RPS6KA2: variants seen among roughly 807,000 people sequenced by gnomAD.
The protein encoded by RPS6KA2 is ribosomal protein S6 kinase A2.
In RPS6KA2, 42 loss-of-function variants were observed where a neutral mutation model predicts 91.8. The observed-to-expected ratio is 0.46, with a 90% CI of 0.36 to 0.59. RPS6KA2 has a LOEUF of 0.59. RPS6KA2 is among the 20% of genes least tolerant of loss of function. The probability of loss-of-function intolerance (pLI) is 0.00; values close to 1 mark genes in which losing one functional copy is unlikely to be tolerated. For missense variants in RPS6KA2, 798 were observed against 978.5 expected (o/e 0.82, Z 2.46); for synonymous variants, 414 against 393.6 (o/e 1.05, Z -0.61).
chr6:166,575,499 T>C (rs1375261937), intron 1 of RPS6KA2, among the ~76,000 whole-genome samples: 1 of 152,270 alleles, frequency 6.6e-6, no homozygotes, highest in African/African-American at 2.4e-5. Flanking sequence ...AGCCAGCTTC[T>C]ATTTTAAATG....
intron 8 of RPS6KA2, among the ~76,000 whole-genome samples, chr6:166,491,126 G>A (rs1205207205): frequency 1.3e-5 from 2 of 152,242 alleles, no homozygotes; most frequent in African/African-American, 4.8e-5. Flanking sequence ...GAGCTAGGAG[G>A]AGGAGGAGGA....
chr6:166,569,706 T>C (rs1431207823), intron 1 of RPS6KA2, among the ~76,000 whole-genome samples: 1 of 152,220 alleles, frequency 6.6e-6, no homozygotes, highest in Non-Finnish European at 1.5e-5. Context: ...TGTGTCCTTG[T>C]GATCCCTCTG....
chr6:166,585,290 G>T (rs1434839211), intron 1 of RPS6KA2, among the ~76,000 whole-genome samples: 1 of 152,160 alleles, frequency 6.6e-6, no homozygotes, highest in African/African-American at 2.4e-5. Flanking sequence ...AGCAACTTTA[G>T]CTTCTTCATT....
intron 1 of RPS6KA2, among the ~76,000 whole-genome samples, chr6:166,566,951 A>G (rs142264344): frequency 3.3e-5 from 5 of 152,252 alleles, no homozygotes; most frequent in Non-Finnish European, 7.3e-5. Flanking sequence ...AGTGACTTCC[A>G]TAAACCCTAC....
At chr6:166,638,120 G>T (rs1787308373) in intron 2 of RPS6KA2, among the ~76,000 whole-genome samples, 2 of 152,284 alleles carry the variant, frequency 1.3e-5, no homozygotes, top group South Asian at 4.1e-4. Flanking sequence ...AGTTGTTGTT[G>T]CCCTAGGTGC....
intron 3 of RPS6KA2, among the ~76,000 whole-genome samples, chr6:166,511,600 C>A (rs1782480781): frequency 6.6e-6 from 1 of 152,164 alleles, no homozygotes; most frequent in African/African-American, 2.4e-5. Flanking sequence ...AGGGCAGTAT[C>A]CGGGACCTCA....
chr6:166,854,369 C>T lies in RPS6KA2; in HGVS notation c.123+3831G>A, dbSNP rs530507953. Among the ~76,000 whole-genome samples the T allele has an allele frequency of 1.4e-4, 22 of 152,310 alleles. No homozygotes were observed. In the East Asian group the frequency reaches 4.2e-3, roughly 29 times the overall value. ...TGTGAGCTATCCCAAATGCCTTCTA[C>T]ACTTCAAAAACTATGTGAGAAGTCT... is the stretch of plus-strand genomic sequence containing the variant. On this transcript the variant is annotated intron_variant, in intron 2 of 21. Transcript: ENST00000503859.
intron 10 of RPS6KA2, among the ~76,000 whole-genome samples, chr6:166,479,902 T>C (rs1203498992): frequency 1.3e-5 from 2 of 152,176 alleles, no homozygotes; most frequent in East Asian, 1.9e-4. Flanking sequence ...ACACTTCTTT[T>C]TTTAACTTAC....
chr6:166,607,140 CAAAAAAAAAAA>C (rs35281961), intron 1 of RPS6KA2, among the ~76,000 whole-genome samples: 1 of 97,862 alleles, frequency 1.0e-5, no homozygotes, highest in African/African-American at 3.9e-5. Context: ...AAAACTCCGT[CAAAAAAAAAAA>C]AAAAAAAAGC....
At chr6:166,801,963 A>T (rs116213785) in intron 2 of RPS6KA2, among the ~76,000 whole-genome samples, 3,394 of 152,192 alleles carry the variant, frequency 0.022, 140 homozygotes, top group African/African-American at 0.078. Flanking sequence ...AAAAATTTTT[A>T]AATCCCTCCC....
intron 2 of RPS6KA2, among the ~76,000 whole-genome samples, chr6:166,645,110 GT>G (rs1372965201): frequency 2.6e-5 from 4 of 152,180 alleles, no homozygotes; most frequent in Non-Finnish European, 5.9e-5. Context: ...TGTCCAATTT[GT>G]AATGCTGTCT....
chr6:166,678,215 C>T (rs1403983335), intron 2 of RPS6KA2, among the ~76,000 whole-genome samples: 3 of 152,180 alleles, frequency 2.0e-5, no homozygotes, highest in African/African-American at 2.4e-5. Context: ...ACCTTATTTC[C>T]GGCCACTTCC....
At chr6:166,586,657 T>A (rs551298783) in intron 1 of RPS6KA2, among the ~76,000 whole-genome samples, 1 of 124,714 alleles carries the variant, frequency 8.0e-6, no homozygotes, top group Admixed American at 7.1e-5. Flanking sequence ...AGTTCTCCAA[T>A]GTAACCGAGC....
At chr6:166,782,569 G>T (rs994916473) in intron 2 of RPS6KA2, among the ~76,000 whole-genome samples, 1 of 152,110 alleles carries the variant, frequency 6.6e-6, no homozygotes, top group East Asian at 1.9e-4. Flanking sequence ...AGAAGGAAGC[G>T]TGACTCGATC....
At chr6:166,429,057 C>G (rs1779026953) in intron 16 of RPS6KA2, among the ~76,000 whole-genome samples, 1 of 151,882 alleles carries the variant, frequency 6.6e-6, no homozygotes, top group African/African-American at 2.4e-5. Flanking sequence ...CAATGATAGA[C>G]TGGATTAAGA....
chr6:166,839,614 T>C (rs1037119682), intron 2 of RPS6KA2, among the ~76,000 whole-genome samples: 2 of 138,592 alleles, frequency 1.4e-5, no homozygotes, highest in African/African-American at 5.4e-5. Flanking sequence ...GGTTCACCAA[T>C]GTAAAAATAG....
intron 1 of RPS6KA2, among the ~76,000 whole-genome samples, chr6:166,558,525 A>C (rs1045742979): frequency 6.6e-6 from 1 of 152,160 alleles, no homozygotes; most frequent in African/African-American, 2.4e-5. Flanking sequence ...ACATGACATT[A>C]ATCTGCATCC....
At chr6:166,722,467 C>T (rs1447189497) in intron 2 of RPS6KA2, among the ~76,000 whole-genome samples, 2 of 152,222 alleles carry the variant, frequency 1.3e-5, no homozygotes, top group Non-Finnish European at 2.9e-5. Flanking sequence ...ACAGTCCATC[C>T]TGGTTCTAAA....
At chr6:166,741,586 G>A (rs1108536) in intron 2 of RPS6KA2, among the ~76,000 whole-genome samples, 2 of 152,262 alleles carry the variant, frequency 1.3e-5, no homozygotes, top group East Asian at 3.9e-4. Flanking sequence ...TTAGAGCCCC[G>A]GTGTCCTTTA....
Sources: gnomAD v4.1 joint callset for allele counts (sites outside exome capture counted in the v4.1 genomes callset) on GRCh38, gnomAD v4.1.1 for gene constraint, MANE v1.5 for transcripts, NCBI Gene and HGNC (gene_info 2026-07-23, HGNC 2026-07-21) for gene names.